SFXN1: variants seen among roughly 807,000 people sequenced by gnomAD.
SFXN1 encodes sideroflexin-1.
In SFXN1, 32 loss-of-function variants were observed where a neutral mutation model predicts 39.5. The ratio of observed to expected loss-of-function variants is 0.81; its 90% CI spans 0.61 to 1.09. The LOEUF (loss-of-function observed/expected upper bound fraction) is 1.09. Ranked by LOEUF, SFXN1 falls within the 50% of genes least tolerant of loss-of-function variation. The pLI, the probability that SFXN1 is intolerant of heterozygous loss-of-function variation, is 0.00. For missense variants in SFXN1, 402 were observed against 407.1 expected, an observed-to-expected ratio of 0.99 and a Z score of 0.11; for synonymous variants, 136 against 146.5, an observed-to-expected ratio of 0.93 and a Z score of 0.52.
At chr5:175,513,645 G>A in intron 7 of SFXN1, 55 bp downstream of exon 7, 1 of 1,591,684 alleles carries the variant, frequency 6.3e-7, no homozygotes. Context: ...AGCGTTCACG[G>A]ATCCGTGAAC....
At chr5:175,492,733 G>A (rs1372936681) in intron 2 of SFXN1, among the ~76,000 whole-genome samples, 1 of 152,160 alleles carries the variant, frequency 6.6e-6, no homozygotes, top group Non-Finnish European at 1.5e-5. Flanking sequence ...GGGTGCTGGT[G>A]GCAATGCCTA....
At chr5:175,516,898 C>T (rs936836139) in intron 8 of SFXN1, among the ~76,000 whole-genome samples, 1 of 152,170 alleles carries the variant, frequency 6.6e-6, no homozygotes, top group Admixed American at 6.5e-5. Context: ...GTTACACACA[C>T]AGTCATCTAT....
At chr5:175,525,437 A>G (rs1403642202) in intron 10 of SFXN1, among the ~76,000 whole-genome samples, 2 of 152,236 alleles carry the variant, frequency 1.3e-5, no homozygotes, top group Non-Finnish European at 2.9e-5. Context: ...CGTCATCATC[A>G]TTTAAAATCA....
At chr5:175,518,450 A>C (rs1181613177) in intron 8 of SFXN1, among the ~76,000 whole-genome samples, 1 of 152,182 alleles carries the variant, frequency 6.6e-6, no homozygotes, top group Non-Finnish European at 1.5e-5. Flanking sequence ...CTAGAGTCCC[A>C]GAAAGAGGAT....
chr5:175,500,403 A>AACACACACACACAC (rs4008099), intron 2 of SFXN1, among the ~76,000 whole-genome samples: 2 of 127,298 alleles, frequency 1.6e-5, no homozygotes, highest in African/African-American at 2.8e-5. Context: ...CCTGTACACC[A>AACACACACACACAC]ACACACACAC....
chr5:175,492,396 A>G, intron 2 of SFXN1, 129 bp downstream of exon 2: 2 of 804,924 alleles, frequency 2.5e-6, no homozygotes, highest in Non-Finnish European at 3.7e-6. Flanking sequence ...ACCAAAAAAA[A>G]AAAAAGGAAG....
intron 2 of SFXN1, among the ~76,000 whole-genome samples, chr5:175,501,431 A>G (rs1273995710): frequency 1.3e-5 from 2 of 152,206 alleles, no homozygotes; most frequent in Non-Finnish European, 2.9e-5. Context: ...AACGGAAAGA[A>G]GAGAAAAACA....
chr5:175,499,903 A>G (rs556338239), intron 2 of SFXN1, among the ~76,000 whole-genome samples: 1 of 152,246 alleles, frequency 6.6e-6, no homozygotes. Flanking sequence ...GAAAGAATTT[A>G]CCAGGCCAGG....
intron 7 of SFXN1, among the ~76,000 whole-genome samples, chr5:175,516,223 AC>A (rs1760712990): frequency 6.6e-6 from 1 of 152,192 alleles, no homozygotes; most frequent in African/African-American, 2.4e-5. Flanking sequence ...TCTAGCCTGT[AC>A]GGAAGCAGTT....
intron 10 of SFXN1, 33 bp downstream of exon 10, chr5:175,522,455 A>G: frequency 6.2e-7 from 1 of 1,605,284 alleles, no homozygotes; most frequent in South Asian, 1.1e-5. Flanking sequence ...AATCATCATG[A>G]GTATTAATCC....
chr5:175,500,241 A>C (rs886614574), intron 2 of SFXN1, among the ~76,000 whole-genome samples: 1 of 152,130 alleles, frequency 6.6e-6, no homozygotes, highest in African/African-American at 2.4e-5. Flanking sequence ...TAGTAAGGTT[A>C]CAAGATACAA....
chr5:175,521,800 C>A (rs765291763), intron 8 of SFXN1, 119 bp from the exon 9 acceptor site: 50 of 777,342 alleles, frequency 6.4e-5, no homozygotes, highest in Admixed American at 2.1e-4. Flanking sequence ...CCAAATTTCA[C>A]TAACCATGTT....
chr5:175,513,685 T>C (rs767652545), intron 7 of SFXN1, 95 bp downstream of exon 7: 4 of 1,336,166 alleles, frequency 3.0e-6, no homozygotes, highest in Non-Finnish European at 4.2e-6. Flanking sequence ...TCACACCTCT[T>C]AGTGGAAATT....
intron 2 of SFXN1, among the ~76,000 whole-genome samples, chr5:175,500,364 G>C (rs1372666399): frequency 6.7e-6 from 1 of 149,088 alleles, no homozygotes; most frequent in Non-Finnish European, 1.5e-5. Context: ...TAAGTACTTA[G>C]AGATCACTTT....
intron 2 of SFXN1, among the ~76,000 whole-genome samples, chr5:175,503,968 A>G (rs1760190341): frequency 6.9e-6 from 1 of 144,336 alleles, no homozygotes; most frequent in South Asian, 2.2e-4. Flanking sequence ...GCGCCATTGC[A>G]CTCTAGCTTG....
intron 3 of SFXN1, 93 bp downstream of exon 3, chr5:175,509,295 A>C: frequency 1.6e-6 from 2 of 1,281,956 alleles, no homozygotes; most frequent in Non-Finnish European, 2.1e-6. Flanking sequence ...AATAAGTATT[A>C]TTTCATAAGT....
At chr5:175,500,967 G>A (rs770993688) in intron 2 of SFXN1, among the ~76,000 whole-genome samples, 1 of 151,852 alleles carries the variant, frequency 6.6e-6, no homozygotes, top group South Asian at 2.1e-4. Flanking sequence ...ACAAAATTTA[G>A]CTTGAAATGG....
intron 4 of SFXN1, 69 bp from the exon 5 acceptor site, chr5:175,511,382 C>A: frequency 1.7e-6 from 2 of 1,149,440 alleles, no homozygotes; most frequent in Non-Finnish European, 1.3e-6. Flanking sequence ...TTTATTTCTT[C>A]AAATAATGTT....
chr5:175,517,619 G>T (rs1416761565), intron 8 of SFXN1, among the ~76,000 whole-genome samples: 1 of 152,164 alleles, frequency 6.6e-6, no homozygotes, highest in African/African-American at 2.4e-5. Flanking sequence ...ACAGTTGCTG[G>T]TATATGTCGG....
Sources: allele counts gnomAD v4.1 joint callset (sites outside exome capture counted in the v4.1 genomes callset), GRCh38; gene constraint gnomAD v4.1.1; transcripts MANE v1.5; gene names NCBI Gene and HGNC (gene_info 2026-07-23, HGNC 2026-07-21).